RSU1: variants seen among roughly 807,000 people sequenced by gnomAD.
RSU1 encodes the protein rsu-1.
In RSU1, 26 loss-of-function variants were observed where a neutral mutation model predicts 31.1. The observed-to-expected ratio is 0.84, with a 90% CI of 0.61 to 1.16. The LOEUF (loss-of-function observed/expected upper bound fraction) is 1.16. Ranked by LOEUF, RSU1 falls within the 50% of genes most tolerant of loss-of-function variation. The pLI is 0.00. For synonymous variants in RSU1, 164 were observed against 136.3 expected (o/e 1.20, Z -1.41); for missense variants, 320 against 339.1 (o/e 0.94, Z 0.44).
rs1130684 is a variant in RSU1 at position 16,817,336 on chromosome 10, C to G, written c.-25G>C. The G allele has an allele frequency of 0.2, 93,369 of 461,128 alleles. 14,084 individuals carry two copies. The highest frequency in any genetic ancestry group is 0.59 in the African/African-American group (29,669 of 50,568). The allele number at this position is 461,128 out of a possible 1,614,324, so 28.6% of individuals were successfully genotyped here. On this transcript the variant is annotated 5_prime_UTR_variant, in exon 1 of 9. Transcript: ENST00000345264. ...TCACCACGGAAGGTAGCCCCTAAGA[C>G]GATGGGCGTGCAACCACAAGCTTCG...
chr10:16,735,821 T>A (rs1836614193), intron 7 of RSU1, among the ~76,000 whole-genome samples: 1 of 152,110 alleles, frequency 6.6e-6, no homozygotes, highest in African/African-American at 2.4e-5. Flanking sequence ...TTCATTTGTC[T>A]CCCACTGGGT....
At chr10:16,729,613 C>A (rs1836464396) in intron 7 of RSU1, among the ~76,000 whole-genome samples, 1 of 152,192 alleles carries the variant, frequency 6.6e-6, no homozygotes, top group South Asian at 2.1e-4. Flanking sequence ...GATATGGAGA[C>A]CTCTGAAGCA....
intron 8 of RSU1, among the ~76,000 whole-genome samples, chr10:16,671,395 A>T (rs540216712): frequency 6.6e-6 from 1 of 152,164 alleles, no homozygotes; most frequent in East Asian, 1.9e-4. Flanking sequence ...TTTGTTCTAC[A>T]TTCTCCTGAT....
chr10:16,680,850 A>G (rs1030536625), intron 8 of RSU1, among the ~76,000 whole-genome samples: 3 of 152,312 alleles, frequency 2.0e-5, no homozygotes, highest in Middle Eastern at 3.4e-3. Context: ...AAACAACAAA[A>G]CAAAACAAAG....
chr10:16,787,505 G>GATAT (rs1837816771), intron 2 of RSU1, among the ~76,000 whole-genome samples: 5 of 152,130 alleles, frequency 3.3e-5, no homozygotes, highest in Admixed American at 3.3e-4. Flanking sequence ...CTGTCCCACT[G>GATAT]ATATGGTTAG....
chr10:16,777,742 T>C (rs916893642), intron 3 of RSU1, among the ~76,000 whole-genome samples: 2 of 152,028 alleles, frequency 1.3e-5, no homozygotes, highest in South Asian at 2.1e-4. Flanking sequence ...AACCTAGGGA[T>C]TGGATTAAGG....
chr10:16,812,748 G>T (rs1588553396), intron 2 of RSU1, among the ~76,000 whole-genome samples: 1 of 151,846 alleles, frequency 6.6e-6, no homozygotes, highest in African/African-American at 2.4e-5. Context: ...CCCAGAGAGG[G>T]CAATACACTT....
Position 16,592,126 on chromosome 10 carries a change from G to C in RSU1, c.*1268C>G, listed in dbSNP as rs566331631. The C allele has an allele frequency of 6.6e-6, 1 of 151,776 alleles. No individual in the cohort carries two copies. Among genetic ancestry groups the C allele is most frequent in the Non-Finnish European group, 1.5e-5 (1 of 68,038 alleles). 9.4% of individuals were successfully genotyped at this position (151,776 alleles called of 1,614,324 possible). ...GTCTTGGGAGCTCAACTGGGAAGCC[G>C]AAAGGATACAGCAGAGATTTTATAT... On this transcript the variant is annotated 3_prime_UTR_variant, in exon 9 of 9. Transcript: ENST00000345264.
intron 8 of RSU1, among the ~76,000 whole-genome samples, chr10:16,609,450 A>C (rs531915601): frequency 6.6e-6 from 1 of 152,288 alleles, no homozygotes; most frequent in Non-Finnish European, 1.5e-5. Flanking sequence ...TAAGAATCTC[A>C]CCCACAAAAC....
At chr10:16,602,982 A>C (rs181827968) in intron 8 of RSU1, among the ~76,000 whole-genome samples, 1 of 152,328 alleles carries the variant, frequency 6.6e-6, no homozygotes, top group East Asian at 1.9e-4. Flanking sequence ...TCCTAAAGAA[A>C]AAAAATTAAC....
intron 8 of RSU1, among the ~76,000 whole-genome samples, chr10:16,603,588 C>G (rs1182516583): frequency 6.6e-6 from 1 of 152,208 alleles, no homozygotes; most frequent in African/African-American, 2.4e-5. Context: ...ATAACTGCAC[C>G]TTGCTTCCCT....
intron 8 of RSU1, among the ~76,000 whole-genome samples, chr10:16,638,627 G>A (rs1588687708): frequency 6.6e-6 from 1 of 152,186 alleles, no homozygotes. Flanking sequence ...GGTAATGGAT[G>A]CCCAGAGGCT....
chr10:16,774,099 TAAA>T (rs55846639), intron 3 of RSU1, among the ~76,000 whole-genome samples: 2 of 144,518 alleles, frequency 1.4e-5, no homozygotes, highest in Non-Finnish European at 1.5e-5. Flanking sequence ...GGTATTCCGT[TAAA>T]AAAAAAAAAA....
intron 4 of RSU1, among the ~76,000 whole-genome samples, chr10:16,757,374 C>T (rs1320844794): frequency 6.6e-6 from 1 of 152,152 alleles, no homozygotes; most frequent in African/African-American, 2.4e-5. Flanking sequence ...AAGAGGGCCT[C>T]ACCAGAAACA....
At chr10:16,775,667 A>G (rs1588527178) in intron 3 of RSU1, among the ~76,000 whole-genome samples, 1 of 152,222 alleles carries the variant, frequency 6.6e-6, no homozygotes, top group African/African-American at 2.4e-5. Context: ...TCAGGTGCTC[A>G]CTCACTACAG....
chr10:16,749,740 C>T (rs1477427888), intron 7 of RSU1, among the ~76,000 whole-genome samples: 3 of 152,320 alleles, frequency 2.0e-5, no homozygotes, highest in Non-Finnish European at 2.9e-5. Context: ...ATCTCAGCTG[C>T]GTTTTGCAAA....
At chr10:16,647,224 G>A (rs920097758) in intron 8 of RSU1, among the ~76,000 whole-genome samples, 5 of 152,172 alleles carry the variant, frequency 3.3e-5, no homozygotes, top group Admixed American at 1.3e-4. Context: ...TACACGCCTC[G>A]GCCTCCCAAA....
At chr10:16,685,209 C>A (rs1835418955) in intron 8 of RSU1, among the ~76,000 whole-genome samples, 1 of 152,168 alleles carries the variant, frequency 6.6e-6, no homozygotes. Context: ...GAGATCGCAC[C>A]ACCGCACTCC....
At chr10:16,780,036 G>C (rs947764756) in intron 3 of RSU1, among the ~76,000 whole-genome samples, 3 of 152,116 alleles carry the variant, frequency 2.0e-5, no homozygotes, top group Admixed American at 1.3e-4. Flanking sequence ...ATAAAGTTTG[G>C]ATTCTTTCAC....
Sources: allele counts gnomAD v4.1 joint callset (sites outside exome capture counted in the v4.1 genomes callset), GRCh38; gene constraint gnomAD v4.1.1; transcripts MANE v1.5; gene names NCBI Gene and HGNC (gene_info 2026-07-23, HGNC 2026-07-21).